The following UNC13A variants were observed in gnomAD, a reference collection of about 807,000 sequenced individuals.
UNC13A encodes the protein unc-13 homolog A.
A neutral mutation model predicts 219.7 loss-of-function variants in UNC13A; 61 were observed. The ratio of observed to expected loss-of-function variants is 0.28; its 90% CI spans 0.23 to 0.34. The LOEUF is 0.34. UNC13A is among the 10% of genes least tolerant of loss of function. The pLI, the probability that UNC13A is intolerant of heterozygous loss-of-function variation, is 1.00. For missense variants in UNC13A, 1,476 were observed against 2,270.3 expected (o/e 0.65, Z 7.11); for synonymous variants, 920 against 884.6 (o/e 1.04, Z -0.71).
chr19:17,625,713 C>T (rs1220672651), intron 34 of UNC13A, among the ~76,000 whole-genome samples: 2 of 151,780 alleles, frequency 1.3e-5, no homozygotes, highest in African/African-American at 4.8e-5. Flanking sequence ...TCCATCGACC[C>T]ACTCATCCAC....
At chr19:17,685,693 C>G (rs976953616) in intron 1 of UNC13A, among the ~76,000 whole-genome samples, 2 of 152,156 alleles carry the variant, frequency 1.3e-5, no homozygotes, top group African/African-American at 2.4e-5. Context: ...CGTGTGCCTA[C>G]GGAATGTGCC....
Position 17,618,520 on chromosome 19 carries a change from G to A in UNC13A, c.4330-19C>T. The stretch of plus-strand genomic sequence containing the variant: ...TGTGATCCTGGATGGATGGGGAGAG[G>A]GGCCATGTGGGTGGAGTGGGCTCCA... On this transcript the variant is annotated intron_variant, in intron 39 of 43. Coordinates refer to ENST00000519716, the MANE Select transcript of UNC13A (RefSeq NM_001080421.3). The A allele has an allele frequency of 6.4e-7, 1 of 1,574,080 alleles. No homozygotes were observed. Among genetic ancestry groups the A allele is most frequent in the Non-Finnish European group, 8.6e-7 (1 of 1,159,632 alleles).
chr19:17,655,366 C>G lies in UNC13A; in HGVS notation c.1300G>C (p.Asp434His). ...TCCTGCCCCTCCTGGCCTTCCTCAT[C>G]CTCTCTCGGCCTGAAACTGAGGCAG... is the stretch of plus-strand genomic sequence containing the variant. Reference protein sequence around the residue: ...KDEESFRPREDEEGQEGQDSM... With the variant: ...KDEESFRPREHEEGQEGQDSM... Residue 434 changes from aspartate to histidine, a missense_variant, in exon 11 of 44, where the codon GAT becomes CAT. Transcript: ENST00000519716. 1 of 1,583,160 alleles carries G rather than the reference C, an allele frequency of 6.3e-7. No homozygotes were observed. Among genetic ancestry groups the G allele is most frequent in the Non-Finnish European group, 8.6e-7 (1 of 1,164,986 alleles).
At chr19:17,654,265 T>C (rs546934080) in intron 11 of UNC13A, among the ~76,000 whole-genome samples, 41 of 152,304 alleles carry the variant, frequency 2.7e-4, no homozygotes, top group Non-Finnish European at 5.4e-4. Context: ...AGTTTGTTTT[T>C]CTTGTATATC....
chr19:17,636,584 A>T (rs1054601409), intron 25 of UNC13A, among the ~76,000 whole-genome samples: 1 of 152,208 alleles, frequency 6.6e-6, no homozygotes, highest in African/African-American at 2.4e-5. Flanking sequence ...ATTAAACTCA[A>T]ATGAATTCCG....
chr19:17,647,126 C>T (rs1308877042), intron 17 of UNC13A, 139 bp downstream of exon 17: 8 of 788,602 alleles, frequency 1.0e-5, no homozygotes, highest in Non-Finnish European at 1.6e-5. Context: ...TATGCGTGCA[C>T]ACACGGAGAT....
Position 17,619,414 on chromosome 19 carries a change from G to A in UNC13A, c.4273-452C>T, listed in dbSNP as rs538829709. 9.2e-5 allele frequency among the ~76,000 whole-genome samples: 14 copies of A among 151,420 alleles called. No homozygotes were observed. The South Asian group carries it at 2.5e-3, about 27-fold the overall frequency. ...GGAAATTTCCCCTGTAATCTGGGAG[G>A]AATTTCAGTCTGATTTTTCTTTTCT... is the stretch of plus-strand genomic sequence containing the variant. On this transcript the variant is annotated intron_variant, in intron 38 of 43. Coordinates refer to ENST00000519716, the MANE Select transcript of UNC13A (RefSeq NM_001080421.3).
chr19:17,648,403 TGGCCCTGCGCTCA>T lies in UNC13A; in HGVS notation c.1816+15_1816+27del, dbSNP rs760791928. Reference sequence around the variant, plus strand: ...CCCCGGGGCTCCCCACGCCAACCCGTGGCCCTGCGCTCAGGCCCTGCGCTCACGCTGCAGGCAG... The same window carrying T: ...CCCCGGGGCTCCCCACGCCAACCCGTGGCCCTGCGCTCACGCTGCAGGCAG... On this transcript the variant is annotated intron_variant, in intron 16 of 43. Transcript: ENST00000519716. The T allele has an allele frequency of 6.2e-5, 91 of 1,479,128 alleles. No homozygotes were observed. The highest frequency in any genetic ancestry group is 2.3e-4 in the Middle Eastern group (1 of 4,306). 91.6% of individuals were successfully genotyped at this position (1,479,128 alleles called of 1,614,324 possible).
At chr19:17,644,423 A>T (rs1321460166) in intron 19 of UNC13A, among the ~76,000 whole-genome samples, 3 of 151,474 alleles carry the variant, frequency 2.0e-5, no homozygotes, top group Non-Finnish European at 4.4e-5. Context: ...TCCTGGGCTC[A>T]AGTGACCCTC....
intron 35 of UNC13A, 28 bp from the exon 36 acceptor site, chr19:17,623,575 TGGGGGAGG>T: frequency 4.3e-6 from 1 of 232,610 alleles, no homozygotes; most frequent in Non-Finnish European, 7.4e-6. Flanking sequence ...GGCGGGGCGG[TGGGGGAGG>T]GGGGAATAAG....
At chr19:17,686,743 C>G (rs977388480) in intron 1 of UNC13A, among the ~76,000 whole-genome samples, 2 of 150,738 alleles carry the variant, frequency 1.3e-5, no homozygotes, top group African/African-American at 4.9e-5. Flanking sequence ...CGGCCCAGCC[C>G]GGCCGGATTT....
In UNC13A at chr19:17,624,816, C is replaced by A. The variant is rs751931802; in HGVS notation, c.4197+13G>T. The A allele has an allele frequency of 6.2e-7, 1 of 1,610,822 alleles. No homozygotes were observed. The highest frequency in any genetic ancestry group is 2.2e-5 in the East Asian group (1 of 44,842). On this transcript the variant is annotated intron_variant, in intron 35 of 43. Coordinates refer to ENST00000519716, the MANE Select transcript of UNC13A (RefSeq NM_001080421.3). ...TGGCCTAAATGTCCCCTCGGGCCCC[C>A]TGCAGGTCTCACCGTCTGGTCAGTG...
intron 2 of UNC13A, 127 bp downstream of exon 2, chr19:17,675,885 C>A: frequency 8.0e-7 from 1 of 1,246,814 alleles, no homozygotes; most frequent in South Asian, 1.3e-5. Context: ...TCTTCTGACC[C>A]CTCTCCTGAT....
intron 25 of UNC13A, among the ~76,000 whole-genome samples, chr19:17,636,661 C>T (rs9653150): frequency 0.01 from 1,586 of 152,200 alleles, 25 homozygotes; most frequent in African/African-American, 0.035. Flanking sequence ...GGAAATAAAT[C>T]GACTCGAACT....
chr19:17,656,516 T>A, intron 9 of UNC13A, 118 bp from the exon 10 acceptor site: 1 of 1,093,790 alleles, frequency 9.1e-7, no homozygotes, highest in Non-Finnish European at 1.3e-6. Flanking sequence ...CAGGTCCTGC[T>A]CTAGGGGCTG....
intron 34 of UNC13A, among the ~76,000 whole-genome samples, 152 bp from the exon 35 acceptor site, chr19:17,625,104 T>C (rs1169873871): frequency 6.6e-6 from 1 of 152,048 alleles, no homozygotes; most frequent in Admixed American, 6.5e-5. Flanking sequence ...GGCTATGATA[T>C]CTGATGCATG....
intron 1 of UNC13A, among the ~76,000 whole-genome samples, chr19:17,687,448 C>T: frequency 6.6e-6 from 1 of 152,102 alleles, no homozygotes; most frequent in Non-Finnish European, 1.5e-5. Context: ...TTGGGAGAAC[C>T]GGAGGGGGCA....
rs2079440678 is a variant in UNC13A, at chr19:17,655,888, C to T, written c.1278G>A (p.Glu426=). 2 of 1,518,746 alleles carry T rather than the reference C, an allele frequency of 1.3e-6. No individual in the cohort carries two copies. Among genetic ancestry groups the T allele is most frequent in the Admixed American group, 2.2e-5 (1 of 44,564 alleles). 94.1% of individuals were successfully genotyped at this position (1,518,746 alleles called of 1,614,324 possible). The part of the protein sequence containing the change: ...QIPEAEPPKD[E]ESFRPREDEE... The stretch of plus-strand genomic sequence containing the variant: ...CCTTGGCCCCGTCCTGTTACCTCTC[C>T]TCGTCCTTGGGTGGCTCAGCCTCAG... Residue 426 remains glutamate, a synonymous_variant, in exon 10 of 44, where the codon GAG becomes GAA. Transcript: ENST00000519716.
At chr19:17,664,571 C>A (rs942242895) in intron 7 of UNC13A, among the ~76,000 whole-genome samples, 2 of 152,174 alleles carry the variant, frequency 1.3e-5, no homozygotes, top group Non-Finnish European at 2.9e-5. Context: ...AATGAACCTG[C>A]CCCTAGCTCT....
Sources: gnomAD v4.1 joint callset for allele counts (sites outside exome capture counted in the v4.1 genomes callset) on GRCh38, gnomAD v4.1.1 for gene constraint, MANE v1.5 for transcripts, NCBI Gene and HGNC (gene_info 2026-07-23, HGNC 2026-07-21) for gene names.